Variants in TOX observed in about 807,000 individuals in gnomAD.
The protein encoded by TOX is thymocyte selection associated high mobility group box, also known as thymocyte selection-associated high mobility group box protein TOX.
A neutral mutation model predicts 53.7 loss-of-function variants in TOX; 11 were observed. That is an observed-to-expected ratio of 0.20 (90% CI 0.13 to 0.34). TOX has a LOEUF of 0.34. TOX is among the 10% of genes least tolerant of loss of function. The pLI, the probability that TOX is intolerant of heterozygous loss-of-function variation, is 1.00. For missense variants in TOX, 570 were observed against 664.6 expected (o/e 0.86, Z 1.56); for synonymous variants, 225 against 245.3 (o/e 0.92, Z 0.77).
chr8:58,920,451 G>A (rs1340218593), intron 3 of TOX, among the ~76,000 whole-genome samples: 6 of 60,822 alleles, frequency 9.9e-5, no homozygotes, highest in African/African-American at 2.0e-4. Context: ...GTAAACTATC[G>A]CAAGAACAAA....
At chr8:59,109,042 CCAT>C (rs755091394) in intron 1 of TOX, among the ~76,000 whole-genome samples, 3 of 152,128 alleles carry the variant, frequency 2.0e-5, no homozygotes, top group Non-Finnish European at 2.9e-5. Flanking sequence ...TATCTCACCA[CCAT>C]ATCAGGTCTA....
intron 1 of TOX, among the ~76,000 whole-genome samples, chr8:59,056,698 T>C (rs1041907386): frequency 6.6e-6 from 1 of 152,170 alleles, no homozygotes; most frequent in Non-Finnish European, 1.5e-5. Flanking sequence ...TCTACTCCGT[T>C]CTGTTATCTG....
intron 1 of TOX, among the ~76,000 whole-genome samples, chr8:59,091,288 T>C (rs1804602337): frequency 2.0e-5 from 3 of 152,204 alleles, no homozygotes; most frequent in Admixed American, 2.0e-4. Flanking sequence ...GGCTATGTTT[T>C]AGTCTTTCTC....
chr8:58,860,844 C>T (rs1810998746), intron 3 of TOX, among the ~76,000 whole-genome samples: 2 of 152,170 alleles, frequency 1.3e-5, no homozygotes, highest in South Asian at 2.1e-4. Flanking sequence ...AACATTTTAA[C>T]GTATAAAAAG....
chr8:59,076,646 GCTC>G (rs1253744608), intron 1 of TOX, among the ~76,000 whole-genome samples: 1 of 151,962 alleles, frequency 6.6e-6, no homozygotes, highest in Non-Finnish European at 1.5e-5. Flanking sequence ...CTAATTTTAT[GCTC>G]CTAATTTTAT....
rs1236167762 is a variant in TOX at position 58,897,738 on chromosome 8, G to A, written c.411+41564C>T. On this transcript the variant is annotated intron_variant, in intron 3 of 8. Coordinates refer to ENST00000361421, the MANE Select transcript of TOX (RefSeq NM_014729.3). ...TAACACATCCTACATACATGAGTCA[G>A]TAACAATTGTTGTTGAACCGTGAAT... is the stretch of plus-strand genomic sequence containing the variant. 2.7e-5 allele frequency among the ~76,000 whole-genome samples: 4 copies of A among 150,234 alleles called. No individual in the cohort carries two copies. In the East Asian group the frequency reaches 7.8e-4, roughly 29 times the overall value.
In TOX at chr8:58,873,958, C is replaced by CTTTTTTTTTTTTTTTTTTTTTT. The variant is rs1173710545; in HGVS notation, c.412-22175_412-22154dup. On this transcript the variant is annotated intron_variant, in intron 3 of 8. Transcript: ENST00000361421. ...AATACACATCCTGAATGCCAGGAAG[C>CTTTTTTTTTTTTTTTTTTTTTT]TTTTTTTTTTTTTTTTTTTTTTTTT... Among the ~76,000 whole-genome samples, 37 of 40,136 alleles carry CTTTTTTTTTTTTTTTTTTTTTT rather than the reference C, an allele frequency of 9.2e-4. 9 individuals carry two copies. The highest frequency in any genetic ancestry group is 2.4e-3 in the African/African-American group (14 of 5,792). The allele number at this position is 40,136 out of a possible 152,430, so 26.3% of individuals were successfully genotyped here. A position where few individuals can be genotyped will look rare whatever the true frequency, so the allele number is the denominator to read the frequency against.
intron 1 of TOX, among the ~76,000 whole-genome samples, chr8:59,000,200 T>C (rs1245453550): frequency 6.6e-6 from 1 of 152,182 alleles, no homozygotes; most frequent in African/African-American, 2.4e-5. Flanking sequence ...ATGTGTATAT[T>C]CAGTTCTTAC....
At chr8:59,074,908 G>A (rs1804265239) in intron 1 of TOX, among the ~76,000 whole-genome samples, 1 of 152,182 alleles carries the variant, frequency 6.6e-6, no homozygotes, top group African/African-American at 2.4e-5. Context: ...AGAGGAATGG[G>A]AAAATTAAAT....
intron 1 of TOX, among the ~76,000 whole-genome samples, chr8:58,998,525 A>T (rs375605697): frequency 0.26 from 14,825 of 57,394 alleles, 2,329 homozygotes; most frequent in Non-Finnish European, 0.34. Flanking sequence ...ATATATATAT[A>T]TATATATATA....
chr8:58,837,306 T>C (rs548593448), intron 5 of TOX, among the ~76,000 whole-genome samples: 9 of 152,350 alleles, frequency 5.9e-5, no homozygotes, highest in African/African-American at 2.2e-4. Flanking sequence ...TTTAAATTTT[T>C]CTTTGTGATG....
At chr8:58,816,906 G>T (rs1810189266) in intron 6 of TOX, among the ~76,000 whole-genome samples, 1 of 152,016 alleles carries the variant, frequency 6.6e-6, no homozygotes, top group East Asian at 1.9e-4. Context: ...TTATCACCAG[G>T]CAGCTTACAT....
At chr8:58,832,065 T>C (rs1810463517) in intron 5 of TOX, among the ~76,000 whole-genome samples, 2 of 150,262 alleles carry the variant, frequency 1.3e-5, no homozygotes, top group South Asian at 2.1e-4. Flanking sequence ...CTTATGCCCA[T>C]AAAGGCATGT....
chr8:58,840,669 C>T (rs937595387), intron 4 of TOX, among the ~76,000 whole-genome samples: 16 of 152,168 alleles, frequency 1.1e-4, no homozygotes, highest in African/African-American at 3.4e-4. Flanking sequence ...CAAAATTTTT[C>T]TGTGCCCCAA....
intron 1 of TOX, among the ~76,000 whole-genome samples, chr8:58,986,856 G>C (rs1401267719): frequency 6.6e-6 from 1 of 152,146 alleles, no homozygotes; most frequent in East Asian, 1.9e-4. Context: ...CAGAAAAAGG[G>C]CTGAATAAGA....
intron 4 of TOX, among the ~76,000 whole-genome samples, chr8:58,850,701 C>T (rs1296090583): frequency 6.6e-6 from 1 of 152,116 alleles, no homozygotes; most frequent in Non-Finnish European, 1.5e-5. Flanking sequence ...ATCAAGAATA[C>T]AAACAATAGG....
chr8:58,902,244 A>G (rs1811744538), intron 3 of TOX, among the ~76,000 whole-genome samples: 1 of 152,198 alleles, frequency 6.6e-6, no homozygotes, highest in Non-Finnish European at 1.5e-5. Context: ...GACAGAAATC[A>G]CATTTAACTC....
chr8:58,966,711 C>G (rs1022961015), intron 1 of TOX, among the ~76,000 whole-genome samples: 26 of 152,004 alleles, frequency 1.7e-4, no homozygotes, highest in African/African-American at 6.0e-4. Flanking sequence ...TAATACTATG[C>G]ATTTATCCTA....
At chr8:59,009,146 T>G (rs1475152420) in intron 1 of TOX, among the ~76,000 whole-genome samples, 1 of 151,764 alleles carries the variant, frequency 6.6e-6, no homozygotes, top group Non-Finnish European at 1.5e-5. Context: ...CTTCTTTCCT[T>G]TCTACTTTTT....
Sources: allele counts gnomAD v4.1 joint callset (sites outside exome capture counted in the v4.1 genomes callset), GRCh38; gene constraint gnomAD v4.1.1; transcripts MANE v1.5; gene names NCBI Gene and HGNC (gene_info 2026-07-23, HGNC 2026-07-21).